SLC22A23: variants seen among roughly 807,000 people sequenced by gnomAD.
SLC22A23 encodes solute carrier family 22 member 23, also known as ion transporter protein.
SLC22A23 carries 26 observed loss-of-function variants against 61.0 expected under a neutral mutation model. That is an observed-to-expected ratio of 0.43 (90% CI 0.31 to 0.59). The LOEUF (loss-of-function observed/expected upper bound fraction) is 0.59. Ranked by LOEUF, SLC22A23 falls within the 20% of genes least tolerant of loss-of-function variation. The pLI is 0.11. For synonymous variants in SLC22A23, 430 were observed against 413.9 expected (o/e 1.04, Z -0.47); for missense variants, 796 against 934.7 (o/e 0.85, Z 1.94).
At chr6:3,389,171 G>A (rs940801824) in intron 3 of SLC22A23, among the ~76,000 whole-genome samples, 19 of 149,820 alleles carry the variant, frequency 1.3e-4, no homozygotes, top group Non-Finnish European at 2.1e-4. Context: ...AGGAGTCTGA[G>A]GCAGGAGAAT....
At chr6:3,448,811 T>C (rs1487188568) in intron 1 of SLC22A23, among the ~76,000 whole-genome samples, 1 of 152,200 alleles carries the variant, frequency 6.6e-6, no homozygotes, top group Non-Finnish European at 1.5e-5. Flanking sequence ...TGTTTTTAAA[T>C]GACACCAACT....
rs9501979 is a variant in SLC22A23 at position 3,285,176 on chromosome 6, A to G, written c.1547-65T>C. 23,973 of 1,599,904 alleles carry G rather than the reference A, an allele frequency of 0.015. 3,042 individuals carry two copies. In the African/African-American group the frequency reaches 0.28, roughly 19 times the overall value. On this transcript the variant is annotated intron_variant, in intron 7 of 9. Transcript: ENST00000406686. ...CCAAGCAAGCGAGAAGAGAGAAGAGAGCACATTAGGTGTGGAGTTAGCCTA... is the reference window on the plus strand; with the variant it reads ...CCAAGCAAGCGAGAAGAGAGAAGAGGGCACATTAGGTGTGGAGTTAGCCTA...
chr6:3,289,965 A>G, intron 5 of SLC22A23, 99 bp from the exon 6 acceptor site: 1 of 734,706 alleles, frequency 1.4e-6, no homozygotes, highest in Non-Finnish European at 2.3e-6. Context: ...CGGGTACCAC[A>G]GAAGGGAGAG....
At chr6:3,357,747 G>A (rs962485499) in intron 3 of SLC22A23, among the ~76,000 whole-genome samples, 2 of 152,208 alleles carry the variant, frequency 1.3e-5, no homozygotes, top group Admixed American at 6.5e-5. Context: ...CAAGGAGGAT[G>A]AGGTAGCACC....
rs1391645441 is a variant in SLC22A23 at position 3,346,429 on chromosome 6, T to C, written c.914-22427A>G. Among the ~76,000 whole-genome samples the C allele has an allele frequency of 3.3e-5, 5 of 152,162 alleles. No individual in the cohort carries two copies. In the East Asian group the frequency reaches 5.8e-4, roughly 18 times the overall value. The stretch of plus-strand genomic sequence containing the variant: ...GGCAGCAACCCCTTCCTCCCCTGCA[T>C]GGATGAAGTCCCAGTCCAGCCAGCT... On this transcript the variant is annotated intron_variant, in intron 3 of 9. Transcript: ENST00000406686.
chr6:3,398,040 C>T (rs757032133), intron 3 of SLC22A23, among the ~76,000 whole-genome samples: 2 of 152,216 alleles, frequency 1.3e-5, no homozygotes, highest in Non-Finnish European at 2.9e-5. Context: ...TACTATTTAC[C>T]AAAGAGGAGA....
At chr6:3,280,490 CTTTTTTTTTTT>C (rs1163139930) in intron 9 of SLC22A23, among the ~76,000 whole-genome samples, 1 of 57,288 alleles carries the variant, frequency 1.7e-5, no homozygotes, top group Non-Finnish European at 3.7e-5. Flanking sequence ...TAAGACACAA[CTTTTTTTTTTT>C]TTTTTTTTTT....
intron 8 of SLC22A23, among the ~76,000 whole-genome samples, chr6:3,284,672 CAAGCTT>C (rs1189991906): frequency 1.3e-5 from 2 of 152,220 alleles, no homozygotes; most frequent in Non-Finnish European, 2.9e-5. Context: ...TGCAGGGCAG[CAAGCTT>C]ACATGAGTCA....
intron 3 of SLC22A23, among the ~76,000 whole-genome samples, chr6:3,344,586 A>G (rs1764318596): frequency 6.6e-6 from 1 of 152,190 alleles, no homozygotes; most frequent in Non-Finnish European, 1.5e-5. Context: ...GCCATTCTAT[A>G]ATGTTTGGGA....
At chr6:3,348,182 C>A (rs1287133001) in intron 3 of SLC22A23, among the ~76,000 whole-genome samples, 2 of 152,174 alleles carry the variant, frequency 1.3e-5, no homozygotes, top group African/African-American at 4.8e-5. Context: ...CCCTCTAATC[C>A]TTGGTGCCTG....
chr6:3,396,504 G>A (rs560302088), intron 3 of SLC22A23, among the ~76,000 whole-genome samples: 94 of 152,258 alleles, frequency 6.2e-4, no homozygotes, highest in Admixed American at 4.8e-3. Context: ...AGCCAAGATC[G>A]CGCCACTGCA....
intron 1 of SLC22A23, among the ~76,000 whole-genome samples, chr6:3,455,434 C>T (rs1280958769): frequency 6.6e-6 from 1 of 152,224 alleles, no homozygotes; most frequent in Non-Finnish European, 1.5e-5. Flanking sequence ...TGGGGATTTG[C>T]AGGAGTCTTT....
chr6:3,291,633 T>TA (rs1397592681), intron 5 of SLC22A23: 9 of 152,272 alleles, frequency 5.9e-5, no homozygotes, highest in Admixed American at 5.9e-4. Flanking sequence ...AAAAATGGGC[T>TA]ACTTTGACTA....
At chr6:3,291,960 T>A (rs1760638256) in intron 5 of SLC22A23, 1 of 152,196 alleles carries the variant, frequency 6.6e-6, no homozygotes, top group East Asian at 1.9e-4. Flanking sequence ...GCTTTTTAAA[T>A]AAAATTAAAC....
At chr6:3,282,172 T>C (rs1759527155) in intron 9 of SLC22A23, 2 of 702,334 alleles carry the variant, frequency 2.8e-6, no homozygotes, top group Middle Eastern at 2.3e-4. Flanking sequence ...TTCTGGTCTA[T>C]TGAAAGACTT....
rs1763459802 is a variant in SLC22A23, at chr6:3,329,414, G to A, written c.914-5412C>T. ...TAAGTGCTCCTGGCTTCTCTGAAAT[G>A]AGAGTACAGGATTTTTCTGGACTGG... is the stretch of plus-strand genomic sequence containing the variant. On this transcript the variant is annotated intron_variant, in intron 3 of 9. Transcript: ENST00000406686. This position sits in a 1 kb window ranked among gnomAD's most constrained non-coding sequence, Gnocchi z 4.8. Among the ~76,000 whole-genome samples the A allele has an allele frequency of 6.6e-6, 1 of 152,220 alleles. No homozygotes were observed. The highest frequency in any genetic ancestry group is 2.4e-5 in the African/African-American group (1 of 41,452).
At chr6:3,401,766 A>G (rs1173194420) in intron 3 of SLC22A23, among the ~76,000 whole-genome samples, 1 of 152,200 alleles carries the variant, frequency 6.6e-6, no homozygotes, top group African/African-American at 2.4e-5. Context: ...GCTCAGCTAC[A>G]GAGCCCCTGG....
chr6:3,367,903 G>A (rs1336272828), intron 3 of SLC22A23, among the ~76,000 whole-genome samples: 3 of 152,110 alleles, frequency 2.0e-5, no homozygotes, highest in Non-Finnish European at 4.4e-5. Context: ...TTTCTCACTG[G>A]GTCAAGTCTC....
intron 3 of SLC22A23, among the ~76,000 whole-genome samples, chr6:3,393,576 T>C (rs1238903547): frequency 6.6e-6 from 1 of 152,190 alleles, no homozygotes; most frequent in Non-Finnish European, 1.5e-5. Flanking sequence ...TTGATTATGC[T>C]TGGTTTGCCT....
Sources: allele counts gnomAD v4.1 joint callset (sites outside exome capture counted in the v4.1 genomes callset), GRCh38; gene constraint gnomAD v4.1.1; non-coding constraint Gnocchi (gnomAD v3.1); transcripts MANE v1.5; gene names NCBI Gene and HGNC (gene_info 2026-07-23, HGNC 2026-07-21).